UBTF: variants seen among roughly 807,000 people sequenced by gnomAD.
UBTF encodes upstream binding transcription factor, also known as nucleolar transcription factor 1.
In UBTF, 8 loss-of-function variants were observed where a neutral mutation model predicts 112.3. The observed-to-expected ratio is 0.07, with a 90% CI of 0.04 to 0.13. UBTF has a LOEUF of 0.13. Ranked by LOEUF, UBTF falls within the 10% of genes least tolerant of loss-of-function variation. The probability of loss-of-function intolerance (pLI) is 1.00; values close to 1 mark genes in which losing one functional copy is unlikely to be tolerated. For synonymous variants in UBTF, 417 were observed against 373.1 expected, an observed-to-expected ratio of 1.12 and a Z score of -1.36; for missense variants, 457 against 982.1, an observed-to-expected ratio of 0.47 and a Z score of 7.15.
intron 13 of UBTF, 36 bp from the exon 14 acceptor site, chr17:44,210,509 C>T (rs1044656321): frequency 1.3e-6 from 2 of 1,537,148 alleles, no homozygotes; most frequent in Non-Finnish European, 1.7e-6. Context: ...CTTCCACCCA[C>T]CCCCAGGGGG....
At chr17:44,216,011 G>C in intron 3 of UBTF, 22 bp from the exon 4 acceptor site, 1 of 1,602,886 alleles carries the variant, frequency 6.2e-7, no homozygotes, top group East Asian at 2.2e-5. Flanking sequence ...GGGGTGGGAG[G>C]AAGGGGAAGT....
intron 5 of UBTF, chr17:44,215,251 G>T (rs2046789457): frequency 5.8e-6 from 1 of 173,860 alleles, no homozygotes. Context: ...ACAAAACTGG[G>T]ATAACCTTTT....
intron 7 of UBTF, 49 bp downstream of exon 7, chr17:44,212,770 T>C (rs2056778235): frequency 6.2e-7 from 1 of 1,606,050 alleles, no homozygotes; most frequent in African/African-American, 1.3e-5. Context: ...GGCTCCCCCC[T>C]GGCCACCGCC....
intron 3 of UBTF, 26 bp downstream of exon 3, chr17:44,216,503 T>C: frequency 6.2e-7 from 1 of 1,613,278 alleles, no homozygotes; most frequent in Non-Finnish European, 8.5e-7. Flanking sequence ...GGTATGTGTG[T>C]ATGTCAGAAA....
upstream of UBTF, chr17:44,220,675 T>TCGG (rs891591987): frequency 6.6e-6 from 1 of 152,060 alleles, no homozygotes; most frequent in Non-Finnish European, 1.5e-5. Context: ...CGCATGAAGA[T>TCGG]CGGCGCCGCC....
intron 6 of UBTF, 29 bp from the exon 7 acceptor site, chr17:44,212,968 G>A: frequency 6.2e-7 from 1 of 1,611,680 alleles, no homozygotes; most frequent in South Asian, 1.1e-5. Flanking sequence ...GCAAGGATCA[G>A]CAGGGGACGC....
At chr17:44,220,094 G>A (rs1473637687), upstream of UBTF, among the ~76,000 whole-genome samples, 7 of 144,838 alleles carry the variant, frequency 4.8e-5, no homozygotes, top group Non-Finnish European at 9.3e-5. Flanking sequence ...AAGGGGGGGG[G>A]GGCCGGGGCA....
chr17:44,211,476 C>A lies in UBTF; in HGVS notation c.1047+130G>T. On this transcript the variant is annotated intron_variant, in intron 10 of 20. Transcript: ENST00000436088. This position sits in a 1 kb window ranked among gnomAD's most constrained non-coding sequence, Gnocchi z 4.9. ...GCCTGGACGGGCTCAGTTGCTAAGC[C>A]CAGCCCAGCCCCACACTGTATTGGA... 1 of 1,560,182 alleles carries A rather than the reference C, an allele frequency of 6.4e-7. No individual in the cohort carries two copies. The highest frequency in any genetic ancestry group is 8.7e-7 in the Non-Finnish European group (1 of 1,146,000).
At chr17:44,213,187 C>G (rs750213810) in intron 6 of UBTF, 31 bp downstream of exon 6, 1 of 1,607,878 alleles carries the variant, frequency 6.2e-7, no homozygotes, top group South Asian at 1.1e-5. Context: ...CCCAGTGCCC[C>G]GTGGCCCTCC....
chr17:44,210,609 C>A (rs567402315), intron 13 of UBTF, 136 bp from the exon 14 acceptor site: 6 of 1,389,446 alleles, frequency 4.3e-6, no homozygotes, highest in Non-Finnish European at 5.6e-6. Flanking sequence ...GGCTCGCCCC[C>A]GCCTGGTCTG....
At chr17:44,216,247 T>C (rs2046839957) in intron 3 of UBTF, 2 of 603,556 alleles carry the variant, frequency 3.3e-6, no homozygotes, top group African/African-American at 1.9e-5. Context: ...TGGTTGTCCA[T>C]GCTAACACCT....
upstream of UBTF, among the ~76,000 whole-genome samples, chr17:44,220,017 A>AG (rs1271568734): frequency 3.3e-5 from 3 of 92,070 alleles, no homozygotes; most frequent in African/African-American, 4.5e-5. Flanking sequence ...GAAGGAGGGG[A>AG]GGGGGGTGGT....
At position 44,219,436 on chromosome 17, in the gene UBTF, C is replaced by T. The variant is rs1222183552; in HGVS notation, c.-68+9G>A. On this transcript the variant is annotated intron_variant, in intron 1 of 20. Transcript: ENST00000436088. ...GACCCCAGCGCGCGTCCTCAGCCGC[C>T]TCGGTTACCCGGCGCAGCGCGGCCT... is the stretch of plus-strand genomic sequence containing the variant. The T allele has an allele frequency of 6.6e-6, 1 of 151,970 alleles. No homozygotes were observed. The highest frequency in any genetic ancestry group is 1.9e-4 in the South Asian group (1 of 5,176). 9.4% of individuals were successfully genotyped at this position (151,970 alleles called of 1,614,324 possible). A position where few individuals can be genotyped will look rare whatever the true frequency, so the allele number is the denominator to read the frequency against.
chr17:44,219,668 A>G lies in UBTF; in HGVS notation c.-291T>C, dbSNP rs1482437999. The G allele has an allele frequency of 1.3e-5, 2 of 153,382 alleles. No individual in the cohort carries two copies. The highest frequency in any genetic ancestry group is 6.6e-5 in the Admixed American group (1 of 15,154). 9.5% of individuals were successfully genotyped at this position (153,382 alleles called of 1,614,324 possible). On this transcript the variant is annotated 5_prime_UTR_variant, in exon 1 of 21. Coordinates refer to ENST00000436088, the MANE Select transcript of UBTF (RefSeq NM_014233.4). ...CTGCTGCCTGCTGCTCCTCGCGGCG[A>G]AAAGCACAAAGCACAGCGCCCTCCG...
chr17:44,212,210 G>T, intron 8 of UBTF, 134 bp downstream of exon 8: 1 of 773,892 alleles, frequency 1.3e-6, no homozygotes, highest in Non-Finnish European at 2.1e-6. Flanking sequence ...AGGGGCAGAG[G>T]TGAGGGGCCC....
At chr17:44,220,348 G>A (rs1167360874), upstream of UBTF, among the ~76,000 whole-genome samples, 2 of 151,952 alleles carry the variant, frequency 1.3e-5, no homozygotes, top group East Asian at 3.9e-4. Flanking sequence ...AGGGCTTCCA[G>A]GCCAGCTCTC....
intron 1 of UBTF, among the ~76,000 whole-genome samples, chr17:44,218,748 C>G (rs928104708): frequency 2.6e-5 from 4 of 151,638 alleles, no homozygotes; most frequent in Non-Finnish European, 2.9e-5. Flanking sequence ...CCGCCTCCCC[C>G]CGGCCGGTTC....
chr17:44,211,305 C>T lies in UBTF; in HGVS notation c.1074G>A (p.Leu358=). 1 of 1,614,260 alleles carries T rather than the reference C, an allele frequency of 6.2e-7. No homozygotes were observed. Among genetic ancestry groups the T allele is most frequent in the Non-Finnish European group, 8.5e-7 (1 of 1,180,046 alleles). ...GAACACTCACCTCGAGGAAACGGAGCAGCTCCACCTCGTAATCTTTCTTTT... is the reference window on the plus strand; with the variant it reads ...GAACACTCACCTCGAGGAAACGGAGTAGCTCCACCTCGTAATCTTTCTTTT... ...DQKKKDYEVE[L]LRFLESLPEE... The change falls in exon 11 of 21, where the codon CTG becomes CTA. Residue 358 remains leucine (L), a synonymous_variant. Coordinates refer to ENST00000436088, the MANE Select transcript of UBTF (RefSeq NM_014233.4). The surrounding 1 kb of genome is among the most constrained non-coding windows in gnomAD (Gnocchi z 4.9).
intron 8 of UBTF, 131 bp from the exon 9 acceptor site, chr17:44,212,137 C>A: frequency 1.1e-6 from 1 of 908,764 alleles, no homozygotes; most frequent in East Asian, 2.5e-5. Flanking sequence ...TGGTGTCACA[C>A]GAGACGTGGT....
Sources: allele counts gnomAD v4.1 joint callset (sites outside exome capture counted in the v4.1 genomes callset), GRCh38; gene constraint gnomAD v4.1.1; non-coding constraint Gnocchi (gnomAD v3.1); transcripts MANE v1.5; gene names NCBI Gene and HGNC (gene_info 2026-07-23, HGNC 2026-07-21).